Variants in RALGAPB observed in about 807,000 individuals in gnomAD.
RALGAPB encodes Ral GTPase activating protein non-catalytic subunit beta, also known as ral GTPase-activating protein subunit beta.
In RALGAPB, 25 loss-of-function variants were observed where a neutral mutation model predicts 161.1. That is an observed-to-expected ratio of 0.16 (90% CI 0.11 to 0.22). The LOEUF is 0.22. RALGAPB is among the 10% of genes least tolerant of loss of function. The pLI, the probability that RALGAPB is intolerant of heterozygous loss-of-function variation, is 1.00. For missense variants in RALGAPB, 1,391 were observed against 1,815.2 expected (o/e 0.77, Z 4.25); for synonymous variants, 629 against 626.1 (o/e 1.00, Z -0.07).
At chr20:38,572,731 T>C (rs1210606319) in intron 28 of RALGAPB, among the ~76,000 whole-genome samples, 1 of 152,202 alleles carries the variant, frequency 6.6e-6, no homozygotes, top group Non-Finnish European at 1.5e-5. Context: ...ATCACAGATA[T>C]CTTAACGTTC....
intron 6 of RALGAPB, among the ~76,000 whole-genome samples, chr20:38,510,167 G>GCACAC (rs1568926201): frequency 1.7e-5 from 2 of 115,466 alleles, no homozygotes; most frequent in Non-Finnish European, 3.9e-5. Flanking sequence ...CACACACACA[G>GCACAC]ACACACGCAT....
In RALGAPB at chr20:38,577,870, A is replaced by G. The variant is rs2088495106; in HGVS notation, c.*2903A>G. Reference sequence around the variant, plus strand: ...CAGTTACCTGCTGCAGGTTCTGTGTATGAGGCCTTCATGAACGGTTACCTT... The same window carrying G: ...CAGTTACCTGCTGCAGGTTCTGTGTGTGAGGCCTTCATGAACGGTTACCTT... On this transcript the variant is annotated 3_prime_UTR_variant, in exon 30 of 30. Coordinates refer to ENST00000262879, the MANE Select transcript of RALGAPB (RefSeq NM_020336.4). 2 of 152,196 alleles carry G rather than the reference A, an allele frequency of 1.3e-5. No homozygotes were observed. The allele number at this position is 152,196 out of a possible 1,614,324, so 9.4% of individuals were successfully genotyped here.
rs765897688 is a variant in RALGAPB at position 38,517,829 on chromosome 20, A to T, written c.1246A>T (p.Thr416Ser). The T allele has an allele frequency of 2.5e-6, 4 of 1,613,874 alleles. No homozygotes were observed. In the Admixed American group the frequency reaches 6.7e-5, roughly 27 times the overall value. ...ASKVQHQTSS[T>S]SPLSSPNQTS... Reference sequence around the variant, plus strand: ...TAAAGTTCAGCACCAGACGTCCTCCACCTCTCCTCTGTCAAGTCCAAATCA... The same window carrying T: ...TAAAGTTCAGCACCAGACGTCCTCCTCCTCTCCTCTGTCAAGTCCAAATCA... Residue 416 changes from threonine (T) to serine (S), a missense_variant, in exon 9 of 30, where the codon ACC becomes TCC. Physicochemically the swap from Thr to Ser is moderately conservative, Grantham distance 58 (BLOSUM62 1). This residue lies in a region of RALGAPB where 946 missense variants were observed against 1,257.2 expected (regional missense o/e 0.75). Transcript: ENST00000262879.
chr20:38,499,141 C>T (rs2122947682), intron 4 of RALGAPB, among the ~76,000 whole-genome samples: 1 of 152,262 alleles, frequency 6.6e-6, no homozygotes, highest in East Asian at 1.9e-4. Flanking sequence ...TCATCATAGG[C>T]AGTCATCCTT....
At chr20:38,528,715 G>C (rs1022574096) in intron 13 of RALGAPB, among the ~76,000 whole-genome samples, 7 of 151,376 alleles carry the variant, frequency 4.6e-5, no homozygotes, top group Admixed American at 4.6e-4. Context: ...GAGTCTCGCT[G>C]TGTCACCCAG....
intron 13 of RALGAPB, among the ~76,000 whole-genome samples, chr20:38,530,605 T>TAG (rs1451271805): frequency 6.6e-6 from 1 of 151,414 alleles, no homozygotes; most frequent in Non-Finnish European, 1.5e-5. Flanking sequence ...CTTTCTCTTT[T>TAG]TTTTTTTTTG....
intron 18 of RALGAPB, among the ~76,000 whole-genome samples, chr20:38,545,838 A>G (rs1438155347): frequency 3.3e-5 from 5 of 152,234 alleles, no homozygotes; most frequent in African/African-American, 9.6e-5. Context: ...AAAATGGGAT[A>G]GAGACGGTTG....
In RALGAPB at chr20:38,517,507, T is replaced by G; in HGVS notation, c.1053T>G (p.Gly351=). Residue 351 remains glycine, a splice_region_variant and synonymous_variant, in exon 8 of 30, where the codon GGT becomes GGG. Coordinates refer to ENST00000262879, the MANE Select transcript of RALGAPB (RefSeq NM_020336.4). ...GISCLVDAFL[G]ISRPRSDSAP... ...ATTTGTCTTTTTTTTTTTTTTAAGG[T>G]ATTTCTAGACCCCGATCAGACAGTG... The G allele has an allele frequency of 6.5e-7, 1 of 1,544,104 alleles. No homozygotes were observed. Among genetic ancestry groups the G allele is most frequent in the Non-Finnish European group, 8.7e-7 (1 of 1,149,704 alleles).
intron 16 of RALGAPB, among the ~76,000 whole-genome samples, chr20:38,535,711 A>G (rs375686335): frequency 4.6e-5 from 7 of 151,818 alleles, no homozygotes; most frequent in Admixed American, 6.6e-5. Context: ...TCAGCCTCCA[A>G]CTAGCTGGGA....
At chr20:38,567,687 T>G (rs1040810785) in intron 26 of RALGAPB, among the ~76,000 whole-genome samples, 1 of 152,184 alleles carries the variant, frequency 6.6e-6, no homozygotes, top group Non-Finnish European at 1.5e-5. Context: ...CAAGAGGAGC[T>G]TTTTGCTTTA....
Position 38,493,141 on chromosome 20 carries a change from T to C in RALGAPB, c.389+9T>C. On this transcript the variant is annotated intron_variant, in intron 3 of 29. Transcript: ENST00000262879. ...AATCTTTTTGTACCAAGGTAAGCTATACCTGTCTATCTGGCCCATTATCAG... is the reference window on the plus strand; with the variant it reads ...AATCTTTTTGTACCAAGGTAAGCTACACCTGTCTATCTGGCCCATTATCAG... The C allele has an allele frequency of 6.4e-7, 1 of 1,574,282 alleles. No homozygotes were observed. Among genetic ancestry groups the C allele is most frequent in the Non-Finnish European group, 8.7e-7 (1 of 1,147,288 alleles).
intron 1 of RALGAPB, among the ~76,000 whole-genome samples, chr20:38,476,403 A>T (rs1334156147): frequency 6.6e-6 from 1 of 152,206 alleles, no homozygotes; most frequent in Non-Finnish European, 1.5e-5. Flanking sequence ...GCGGAAAGTA[A>T]CTTGGTCAAG....
intron 2 of RALGAPB, among the ~76,000 whole-genome samples, chr20:38,490,727 C>T (rs2085255767): frequency 2.0e-5 from 3 of 152,004 alleles, no homozygotes. Flanking sequence ...CCAGGCTGGT[C>T]TCGAACTCCT....
chr20:38,546,483 AC>A, intron 19 of RALGAPB, 53 bp downstream of exon 19: 1 of 1,599,746 alleles, frequency 6.3e-7, no homozygotes, highest in Non-Finnish European at 8.6e-7. Flanking sequence ...TGTTACCAGT[AC>A]CATGAAGCTG....
At position 38,565,499 on chromosome 20, in the gene RALGAPB, T is replaced by C. The variant is rs762055927; in HGVS notation, c.3817+21T>C. 2.5e-6 allele frequency: 4 copies of C among 1,610,924 alleles called. No homozygotes were observed. In the South Asian group the frequency reaches 4.4e-5, roughly 18 times the overall value. The stretch of plus-strand genomic sequence containing the variant: ...CTTAAGTAAGATGATTTTTGCATGG[T>C]CCTGTTTTAGGATCTATTTTTATAT... On this transcript the variant is annotated intron_variant, in intron 25 of 29. Transcript: ENST00000262879.
intron 10 of RALGAPB, among the ~76,000 whole-genome samples, chr20:38,524,231 G>A (rs890967738): frequency 6.6e-6 from 1 of 152,192 alleles, no homozygotes; most frequent in Non-Finnish European, 1.5e-5. Context: ...GATGAATACA[G>A]ATGATCGAAT....
At chr20:38,522,653 T>C (rs2086325218) in intron 10 of RALGAPB, among the ~76,000 whole-genome samples, 1 of 152,166 alleles carries the variant, frequency 6.6e-6, no homozygotes, top group Non-Finnish European at 1.5e-5. Flanking sequence ...AGAATTAAAC[T>C]GACCCTATCA....
chr20:38,575,382 G>C lies in RALGAPB; in HGVS notation c.*415G>C, dbSNP rs2088398688. On this transcript the variant is annotated 3_prime_UTR_variant, in exon 30 of 30. Transcript: ENST00000262879. ...GGTTGTATTCAAAATTAAAATCTCA[G>C]AATCTTACAGGACATTTAAAGACTC... 1 of 171,312 alleles carries C rather than the reference G, an allele frequency of 5.8e-6. No individual in the cohort carries two copies. The highest frequency in any genetic ancestry group is 1.3e-5 in the Non-Finnish European group (1 of 79,770). The allele number at this position is 171,312 out of a possible 1,614,324, so 10.6% of individuals were successfully genotyped here. A position where few individuals can be genotyped will look rare whatever the true frequency, so the allele number is the denominator to read the frequency against.
Position 38,578,576 on chromosome 20 carries a change from A to G in RALGAPB, c.*3609A>G, listed in dbSNP as rs1601113022. 1 of 152,638 alleles carries G rather than the reference A, an allele frequency of 6.6e-6. No homozygotes were observed. Among genetic ancestry groups the G allele is most frequent in the Admixed American group, 6.5e-5 (1 of 15,280 alleles). 9.5% of individuals were successfully genotyped at this position (152,638 alleles called of 1,614,324 possible). The stretch of plus-strand genomic sequence containing the variant: ...TAAGCAGTATCATTATTTGCTTGAA[A>G]TCATATATACAGTTTGTATGAATTT... On this transcript the variant is annotated 3_prime_UTR_variant, in exon 30 of 30. Coordinates refer to ENST00000262879, the MANE Select transcript of RALGAPB (RefSeq NM_020336.4).
Sources: allele counts gnomAD v4.1 joint callset (sites outside exome capture counted in the v4.1 genomes callset), GRCh38; gene constraint gnomAD v4.1.1; regional missense constraint gnomAD v4.1.1; transcripts MANE v1.5; gene names NCBI Gene and HGNC (gene_info 2026-07-23, HGNC 2026-07-21).